KCNK1: variants seen among roughly 807,000 people sequenced by gnomAD.
KCNK1 encodes potassium channel subfamily K member 1.
Under a neutral mutation model 22.2 loss-of-function variants are expected in KCNK1, and 10 were observed. The observed-to-expected ratio is 0.45, with a 90% confidence interval of 0.28 to 0.76. The LOEUF is 0.76. KCNK1 is among the 30% of genes least tolerant of loss of function. KCNK1 has a pLI of 0.14. For missense variants in KCNK1, 378 were observed against 421.0 expected, an observed-to-expected ratio of 0.90 and a Z score of 0.89; for synonymous variants, 200 against 186.4, an observed-to-expected ratio of 1.07 and a Z score of -0.60.
At chr1:233,659,903 A>G (rs538538339) in intron 1 of KCNK1, among the ~76,000 whole-genome samples, 2 of 152,386 alleles carry the variant, frequency 1.3e-5, no homozygotes, top group South Asian at 4.1e-4. Context: ...GAACCTTCTT[A>G]GGAAAAGGAA....
At chr1:233,619,394 A>G (rs1657538874) in intron 1 of KCNK1, among the ~76,000 whole-genome samples, 1 of 152,150 alleles carries the variant, frequency 6.6e-6, no homozygotes, top group South Asian at 2.1e-4. Context: ...GAAGAGATGC[A>G]TTGAAACTCT....
At chr1:233,638,432 A>G (rs909126324) in intron 1 of KCNK1, among the ~76,000 whole-genome samples, 2 of 152,202 alleles carry the variant, frequency 1.3e-5, no homozygotes, top group Admixed American at 1.3e-4. Context: ...GAAAAAAAAA[A>G]AAGAATGAAA....
intron 1 of KCNK1, among the ~76,000 whole-genome samples, chr1:233,655,144 G>A (rs1658267631): frequency 1.3e-5 from 2 of 152,216 alleles, no homozygotes; most frequent in South Asian, 4.1e-4. Context: ...AGAGCATTGA[G>A]CCAAAGAAGA....
chr1:233,629,485 C>A (rs767226494), intron 1 of KCNK1: 1 of 152,230 alleles, frequency 6.6e-6, no homozygotes, highest in Non-Finnish European at 1.5e-5. Context: ...AGCCAAAGCT[C>A]CCTGCTGGCA....
intron 1 of KCNK1, among the ~76,000 whole-genome samples, chr1:233,644,076 A>G (rs1036333845): frequency 2.6e-5 from 4 of 152,194 alleles, no homozygotes; most frequent in African/African-American, 7.2e-5. Context: ...TTATTTCTCA[A>G]AGTTCTGGAG....
In KCNK1 at chr1:233,670,355, G is replaced by A. The variant is rs116293037; in HGVS notation, c.752-916G>A. ...TGCAAGTGTAGATAGCCATGCACAA[G>A]GACCTATTTAATATCAACATACATT... On this transcript the variant is annotated intron_variant, in intron 2 of 2. Coordinates refer to ENST00000366621, the MANE Select transcript of KCNK1 (RefSeq NM_002245.4). Among the ~76,000 whole-genome samples, 276 of 152,194 alleles carry A rather than the reference G, an allele frequency of 1.8e-3. 1 individual carries two copies. Among genetic ancestry groups the A allele is most frequent in the African/African-American group, 6.1e-3 (254 of 41,526 alleles).
At position 233,666,681 on chromosome 1, in the gene KCNK1, T is replaced by C. The variant is rs1411403024; in HGVS notation, c.442T>C (p.Phe148Leu). The C allele has an allele frequency of 6.2e-7, 1 of 1,614,148 alleles. No homozygotes were observed. The highest frequency in any genetic ancestry group is 1.1e-5 in the South Asian group (1 of 91,066). ...SVIGIPFTLLFLTAVVQRITV... is the reference protein window; with the variant it reads ...SVIGIPFTLLLLTAVVQRITV... ...CATTGGCATTCCCTTCACCCTCCTG[T>C]TCCTGACGGCTGTGGTCCAGCGCAT... The change falls in exon 2 of 3, where the codon TTC becomes CTC. Residue 148 changes from phenylalanine (F) to leucine (L), a missense_variant. Phe to Leu is a conservative substitution (Grantham distance 22, BLOSUM62 0). Coordinates refer to ENST00000366621, the MANE Select transcript of KCNK1 (RefSeq NM_002245.4).
At chr1:233,642,799 C>T (rs1334888693) in intron 1 of KCNK1, among the ~76,000 whole-genome samples, 1 of 151,566 alleles carries the variant, frequency 6.6e-6, no homozygotes, top group Non-Finnish European at 1.5e-5. Flanking sequence ...GACAGAGTCT[C>T]ACTCTGTCAC....
intron 1 of KCNK1, among the ~76,000 whole-genome samples, chr1:233,643,232 A>G (rs540720285): frequency 6.6e-6 from 1 of 152,198 alleles, no homozygotes; most frequent in African/African-American, 2.4e-5. Flanking sequence ...AGTGGTTAGG[A>G]GTAGAGGACT....
chr1:233,667,496 C>T (rs1039509662), intron 2 of KCNK1, among the ~76,000 whole-genome samples: 12 of 151,832 alleles, frequency 7.9e-5, no homozygotes, highest in East Asian at 1.9e-4. Context: ...TTTGGGAGGC[C>T]GAGGCGGGCG....
chr1:233,668,832 C>T (rs1159805142), intron 2 of KCNK1, among the ~76,000 whole-genome samples: 2 of 152,160 alleles, frequency 1.3e-5, no homozygotes, highest in African/African-American at 2.4e-5. Context: ...GTCACGAACT[C>T]CTGACTTCGT....
chr1:233,633,179 TC>T (rs1182601454), intron 1 of KCNK1, among the ~76,000 whole-genome samples: 1 of 150,572 alleles, frequency 6.6e-6, no homozygotes, highest in Non-Finnish European at 1.5e-5. Flanking sequence ...AATACTGGTT[TC>T]TTTTGTGACC....
chr1:233,672,465 G>T lies in KCNK1; in HGVS notation c.*935G>T, dbSNP rs994214746. Reference sequence around the variant, plus strand: ...AACAGATTATGTTACATTAATCTGAGAATTTTAAATTTAGAAGCTAAAATA... The same window carrying T: ...AACAGATTATGTTACATTAATCTGATAATTTTAAATTTAGAAGCTAAAATA... On this transcript the variant is annotated 3_prime_UTR_variant, in exon 3 of 3. Transcript: ENST00000366621. The T allele has an allele frequency of 6.0e-5, 9 of 151,104 alleles. No homozygotes were observed. The highest frequency in any genetic ancestry group is 2.2e-4 in the African/African-American group (9 of 41,166). The allele number at this position is 151,104 out of a possible 1,614,324, so 9.4% of individuals were successfully genotyped here.
intron 1 of KCNK1, among the ~76,000 whole-genome samples, chr1:233,656,610 A>G (rs1558117891): frequency 6.6e-6 from 1 of 152,016 alleles, no homozygotes; most frequent in Non-Finnish European, 1.5e-5. Flanking sequence ...TCAATTATTT[A>G]TTTCTTTATT....
In KCNK1 at chr1:233,634,459, T is replaced by C. The variant is rs533535313; in HGVS notation, c.355+19933T>C. Among the ~76,000 whole-genome samples the C allele has an allele frequency of 6.0e-4, 91 of 152,314 alleles. 1 individual carries two copies. Among genetic ancestry groups the C allele is most frequent in the Non-Finnish European group, 1.2e-3 (81 of 68,030 alleles). On this transcript the variant is annotated intron_variant, in intron 1 of 2. Coordinates refer to ENST00000366621, the MANE Select transcript of KCNK1 (RefSeq NM_002245.4). The stretch of plus-strand genomic sequence containing the variant: ...GGCAGACACTAATGACTCCTGTTTC[T>C]CAGATGTGAAATCTGAGGCCAGAAA...
intron 2 of KCNK1, among the ~76,000 whole-genome samples, chr1:233,668,764 T>C (rs12126491): frequency 0.27 from 41,191 of 151,948 alleles, 5,725 homozygotes; most frequent in Non-Finnish European, 0.29. Context: ...TGCCACCACA[T>C]CCGGCTAATT....
intron 1 of KCNK1, among the ~76,000 whole-genome samples, chr1:233,663,365 A>G (rs932404152): frequency 3.9e-5 from 6 of 152,230 alleles, no homozygotes; most frequent in African/African-American, 1.4e-4. Context: ...GAGTCTTATA[A>G]TGATTATCTT....
At chr1:233,641,216 G>T (rs762008604) in intron 1 of KCNK1, among the ~76,000 whole-genome samples, 2 of 152,174 alleles carry the variant, frequency 1.3e-5, no homozygotes, top group Admixed American at 1.3e-4. Context: ...CTTTCTGCCT[G>T]TCGGAGGGCT....
rs549205062 is a variant in KCNK1 at position 233,671,472 on chromosome 1, A to C, written c.953A>C (p.Asn318Thr). 6.2e-7 allele frequency: 1 copy of C among 1,614,184 alleles called. No individual in the cohort carries two copies. Among genetic ancestry groups the C allele is most frequent in the South Asian group, 1.1e-5 (1 of 91,084 alleles). The change falls in exon 3 of 3, where the codon AAT becomes ACT. Residue 318 changes from asparagine to threonine, a missense_variant. Transcript: ENST00000366621. ...GGCATGAAAGAGGACCAGAAGCAAA[A>C]TGAGCCTTTTGTGGCCACCCAGTCA... The part of the protein sequence containing the change: ...AAGMKEDQKQ[N>T]EPFVATQSSA...
Sources: allele counts gnomAD v4.1 joint callset (sites outside exome capture counted in the v4.1 genomes callset), GRCh38; gene constraint gnomAD v4.1.1; transcripts MANE v1.5; gene names NCBI Gene and HGNC (gene_info 2026-07-23, HGNC 2026-07-21).